The following KITLG variants were observed in gnomAD, a reference collection of about 807,000 sequenced individuals.
KITLG encodes the protein KIT ligand.
In KITLG, 13 loss-of-function variants were observed where a neutral mutation model predicts 34.1. The observed-to-expected ratio is 0.38, with a 90% CI of 0.25 to 0.61. The LOEUF is 0.61. Ranked by LOEUF, KITLG falls within the 20% of genes least tolerant of loss-of-function variation. The pLI, the probability that KITLG is intolerant of heterozygous loss-of-function variation, is 0.60. For synonymous variants in KITLG, 110 were observed against 104.0 expected (o/e 1.06, Z -0.35); for missense variants, 292 against 318.9 (o/e 0.92, Z 0.64).
intron 6 of KITLG, 109 bp downstream of exon 6, chr12:88,515,425 G>A: frequency 1.4e-6 from 1 of 715,612 alleles, no homozygotes. Context: ...AACAGTAACA[G>A]AACAGTATCA....
At chr12:88,537,056 C>T (rs1405754397) in intron 2 of KITLG, among the ~76,000 whole-genome samples, 2 of 152,190 alleles carry the variant, frequency 1.3e-5, no homozygotes, top group East Asian at 1.9e-4. Flanking sequence ...ACTGTTCAGC[C>T]ACTGTGGAAA....
At chr12:88,504,834 G>T (rs1235240522) in intron 9 of KITLG, among the ~76,000 whole-genome samples, 4 of 152,108 alleles carry the variant, frequency 2.6e-5, no homozygotes, top group Non-Finnish European at 5.9e-5. Context: ...TATGACTGAG[G>T]CTGGAAACCA....
intron 9 of KITLG, among the ~76,000 whole-genome samples, chr12:88,500,723 T>C (rs572062033): frequency 8.5e-5 from 13 of 152,356 alleles, no homozygotes; most frequent in African/African-American, 3.1e-4. Context: ...AGTAAATTTT[T>C]AACTTTTCAC....
chr12:88,565,297 C>T (rs1401887312), intron 1 of KITLG, among the ~76,000 whole-genome samples: 3 of 152,086 alleles, frequency 2.0e-5, no homozygotes, highest in Non-Finnish European at 2.9e-5. Flanking sequence ...AATCCATTTA[C>T]CATATTTGTA....
intron 1 of KITLG, among the ~76,000 whole-genome samples, chr12:88,556,520 A>G (rs926092971): frequency 6.6e-6 from 1 of 152,186 alleles, no homozygotes; most frequent in Non-Finnish European, 1.5e-5. Flanking sequence ...GAACACGTTC[A>G]ACAGGATATG....
Position 88,572,822 on chromosome 12 carries a change from C to A in KITLG, c.15+7442G>T, listed in dbSNP as rs575193437. Among the ~76,000 whole-genome samples, 143 of 151,970 alleles carry A rather than the reference C, an allele frequency of 9.4e-4. 1 individual carries two copies. Among genetic ancestry groups the A allele is most frequent in the African/African-American group, 3.4e-3 (140 of 41,476 alleles). The stretch of plus-strand genomic sequence containing the variant: ...TGGACCACCTGGAAGTAGAAAGCAC[C>A]AGCCATTCTCCTATACTGTGATAAT... On this transcript the variant is annotated intron_variant, in intron 1 of 9. Coordinates refer to ENST00000644744, the MANE Select transcript of KITLG (RefSeq NM_000899.5).
At chr12:88,542,004 C>T (rs559622856) in intron 2 of KITLG, among the ~76,000 whole-genome samples, 16 of 152,248 alleles carry the variant, frequency 1.1e-4, no homozygotes, top group Non-Finnish European at 2.4e-4. Context: ...CAAAAATGGA[C>T]TGTCAGGCCA....
chr12:88,542,076 T>G (rs1447472155), intron 2 of KITLG, among the ~76,000 whole-genome samples: 1 of 152,188 alleles, frequency 6.6e-6, no homozygotes, highest in Non-Finnish European at 1.5e-5. Flanking sequence ...CCTCTCATCC[T>G]ATATAACCTC....
chr12:88,539,354 G>A (rs1019197873), intron 2 of KITLG, among the ~76,000 whole-genome samples: 3 of 152,072 alleles, frequency 2.0e-5, no homozygotes, highest in African/African-American at 7.2e-5. Context: ...TGGGGAAAGA[G>A]TCTATGATTT....
intron 3 of KITLG, among the ~76,000 whole-genome samples, chr12:88,527,917 T>G (rs1354125187): frequency 3.9e-5 from 6 of 152,132 alleles, no homozygotes; most frequent in Non-Finnish European, 7.4e-5. Flanking sequence ...GTCAGTGCCA[T>G]AAAGACAAAG....
chr12:88,539,478 T>C (rs1253870827), intron 2 of KITLG, among the ~76,000 whole-genome samples: 4 of 152,094 alleles, frequency 2.6e-5, no homozygotes, highest in Non-Finnish European at 5.9e-5. Flanking sequence ...CCTTCAGAAA[T>C]AACACCCCCC....
chr12:88,544,086 A>C (rs1375580053), intron 2 of KITLG, among the ~76,000 whole-genome samples: 7 of 152,224 alleles, frequency 4.6e-5, no homozygotes, highest in Non-Finnish European at 1.0e-4. Context: ...ACTTCCAGTA[A>C]TGCCACCTGA....
At chr12:88,529,786 A>G (rs1870015782) in intron 3 of KITLG, among the ~76,000 whole-genome samples, 1 of 152,168 alleles carries the variant, frequency 6.6e-6, no homozygotes, top group South Asian at 2.1e-4. Flanking sequence ...AGAAACGAAC[A>G]TGTCAAAATG....
rs139977711 is a variant in KITLG at position 88,549,226 on chromosome 12, C to T, written c.16-3361G>A. On this transcript the variant is annotated intron_variant, in intron 1 of 9. Transcript: ENST00000644744. ...AGGGCGTTGAAGCCTATTGCCCAGA[C>T]ATTGACTCTTACTTGAATAAAATAG... Among the ~76,000 whole-genome samples the T allele has an allele frequency of 4.2e-3, 645 of 152,274 alleles. 3 individuals are homozygous for T. The highest frequency in any genetic ancestry group is 0.017 in the Middle Eastern group (5 of 294).
chr12:88,498,173 C>T (rs1371595719), intron 9 of KITLG, among the ~76,000 whole-genome samples: 2 of 152,134 alleles, frequency 1.3e-5, no homozygotes, highest in Non-Finnish European at 2.9e-5. Context: ...TTGCATTTCT[C>T]GTCTTCTCTG....
chr12:88,567,422 G>T (rs922652118), intron 1 of KITLG, among the ~76,000 whole-genome samples: 8 of 152,084 alleles, frequency 5.3e-5, no homozygotes. Flanking sequence ...CCATCAAAAA[G>T]AACATAACAG....
Position 88,518,764 on chromosome 12 carries a change from G to A in KITLG, c.296C>T (p.Ser99Phe). The change falls in exon 4 of 10, where the codon TCC (serine) becomes TTC (phenylalanine). Residue 99 changes from serine to phenylalanine, a missense_variant. Coordinates refer to ENST00000644744, the MANE Select transcript of KITLG (RefSeq NM_000899.5). ...SNISEGLSNY[S>F]IIDKLVNIVD... The stretch of plus-strand genomic sequence containing the variant: ...TATATTCACAAGTTTGTCTATGATG[G>A]AATAATTACTCAAGCCTTCAGAAAT... The A allele has an allele frequency of 6.2e-7, 1 of 1,613,158 alleles. No homozygotes were observed. The highest frequency in any genetic ancestry group is 8.5e-7 in the Non-Finnish European group (1 of 1,179,318).
intron 6 of KITLG, 106 bp from the exon 7 acceptor site, chr12:88,507,243 T>C (rs2120809812): frequency 4.0e-6 from 3 of 741,238 alleles, no homozygotes; most frequent in South Asian, 1.5e-5. Flanking sequence ...TCTGGACCTA[T>C]ATCTGTTTAA....
At chr12:88,523,984 G>A (rs909476578) in intron 3 of KITLG, among the ~76,000 whole-genome samples, 3 of 152,150 alleles carry the variant, frequency 2.0e-5, no homozygotes, top group Admixed American at 6.5e-5. Flanking sequence ...CCCTAGGCCC[G>A]CCCTAAAATA....
Sources: gnomAD v4.1 joint callset for allele counts (sites outside exome capture counted in the v4.1 genomes callset) on GRCh38, gnomAD v4.1.1 for gene constraint, MANE v1.5 for transcripts, NCBI Gene and HGNC (gene_info 2026-07-23, HGNC 2026-07-21) for gene names.